Variants in PRR5 observed in about 807,000 individuals in gnomAD.
PRR5 encodes proline rich 5.
A neutral mutation model predicts 30.6 loss-of-function variants in PRR5; 25 were observed. The ratio of observed to expected loss-of-function variants is 0.82; its 90% CI spans 0.60 to 1.14. PRR5 has a LOEUF of 1.14. Among genes scored for constraint, PRR5 ranks in the 50% most tolerant of loss-of-function variants. The probability of loss-of-function intolerance (pLI) is 0.00; values close to 1 mark genes in which losing one functional copy is unlikely to be tolerated. For synonymous variants in PRR5, 286 were observed against 247.1 expected, an observed-to-expected ratio of 1.16 and a Z score of -1.48; for missense variants, 600 against 547.1, an observed-to-expected ratio of 1.10 and a Z score of -0.96.
intron 1 of PRR5, among the ~76,000 whole-genome samples, chr22:44,708,245 A>G (rs1927552990): frequency 6.6e-6 from 1 of 152,122 alleles, no homozygotes; most frequent in African/African-American, 2.4e-5. Context: ...ATGCCAGAGG[A>G]GGAAAGGCAC....
intron 1 of PRR5, among the ~76,000 whole-genome samples, chr22:44,695,165 T>G (rs576958486): frequency 1.7e-4 from 26 of 152,240 alleles, no homozygotes; most frequent in African/African-American, 6.3e-4. Context: ...AGCAAGACTC[T>G]GTCTCAAAAA....
In PRR5 at chr22:44,735,159, C is replaced by A. The variant is rs1306759440; in HGVS notation, c.688C>A (p.Leu230Met). ...SEGPFTHSCI[L>M]EKRLLRRSRS... ...GGGGCCCTTCACCCATTCCTGCATCCTGGGTAGGGGTCCGCCTGGGCCTTG... is the reference window on the plus strand; with the variant it reads ...GGGGCCCTTCACCCATTCCTGCATCATGGGTAGGGGTCCGCCTGGGCCTTG... The change falls in exon 7 of 8, where the codon CTG becomes ATG. Residue 230 changes from leucine (L) to methionine (M), a missense_variant. By Grantham distance (15) the Leu-to-Met change is conservative. Coordinates refer to ENST00000336985, the MANE Select transcript of PRR5 (RefSeq NM_181333.4). 1 of 1,612,458 alleles carries A rather than the reference C, an allele frequency of 6.2e-7. No individual in the cohort carries two copies. Among genetic ancestry groups the A allele is most frequent in the South Asian group, 1.1e-5 (1 of 90,960 alleles).
At chr22:44,709,085 G>T (rs1408123178) in intron 1 of PRR5, among the ~76,000 whole-genome samples, 3 of 152,138 alleles carry the variant, frequency 2.0e-5, no homozygotes, top group Non-Finnish European at 4.4e-5. Flanking sequence ...GCTCATGGGG[G>T]TCTCTGAAGG....
In PRR5 at chr22:44,736,986, C is replaced by T. The variant is rs1375193053; in HGVS notation, c.906C>T (p.Gly302=). The T allele has an allele frequency of 1.2e-6, 2 of 1,600,628 alleles. No homozygotes were observed. The highest frequency in any genetic ancestry group is 1.3e-5 in the African/African-American group (1 of 74,810). Residue 302 remains glycine, a synonymous_variant, in exon 8 of 8, where the codon GGC becomes GGT. Coordinates refer to ENST00000336985, the MANE Select transcript of PRR5 (RefSeq NM_181333.4). ...PQGFSDPPGQ[G]PTGTFRSSPA... is the part of the protein sequence containing the mutation. ...GCTTCTCCGACCCGCCCGGCCAGGG[C>T]CCCACCGGGACCTTCAGGTCCTCCC...
At chr22:44,725,768 G>A (rs939727086) in intron 3 of PRR5, among the ~76,000 whole-genome samples, 6 of 152,160 alleles carry the variant, frequency 3.9e-5, no homozygotes, top group African/African-American at 1.4e-4. Flanking sequence ...GGGTTCAAGC[G>A]ATTCCCCTGT....
intron 4 of PRR5, chr22:44,730,908 A>T (rs1362491733): frequency 2.2e-6 from 1 of 458,980 alleles, no homozygotes; most frequent in East Asian, 7.2e-5. Context: ...TGCCCTTATG[A>T]TCCTGCTCAG....
chr22:44,730,580 C>G, intron 4 of PRR5: 2 of 989,716 alleles, frequency 2.0e-6, no homozygotes, highest in Non-Finnish European at 2.4e-6. Flanking sequence ...GAGCTGGTCC[C>G]GATGTCTGCT....
At chr22:44,705,278 C>T (rs1459334417) in intron 1 of PRR5, among the ~76,000 whole-genome samples, 1 of 151,968 alleles carries the variant, frequency 6.6e-6, no homozygotes, top group African/African-American at 2.4e-5. Context: ...TGTACCTCCC[C>T]ATGGCTTTCA....
At chr22:44,730,310 C>T in intron 4 of PRR5, 1 of 985,380 alleles carries the variant, frequency 1.0e-6, no homozygotes, top group Non-Finnish European at 1.2e-6. Context: ...GAGGCGCCCA[C>T]ACCAAGATCT....
chr22:44,703,931 T>C (rs1009840204), intron 1 of PRR5, among the ~76,000 whole-genome samples: 1 of 152,178 alleles, frequency 6.6e-6, no homozygotes, highest in Non-Finnish European at 1.5e-5. Flanking sequence ...ATGAAAGCCA[T>C]CTCTCTGTCC....
chr22:44,695,949 G>A (rs529539448), intron 1 of PRR5, among the ~76,000 whole-genome samples: 1 of 12,352 alleles, frequency 8.1e-5, no homozygotes, highest in South Asian at 3.6e-3. Context: ...TTTTTTTTTT[G>A]ATACAGAGTC....
At chr22:44,684,391 C>A (rs1924560194) in intron 1 of PRR5, among the ~76,000 whole-genome samples, 1 of 152,156 alleles carries the variant, frequency 6.6e-6, no homozygotes, top group Admixed American at 6.6e-5. Flanking sequence ...AAAAAAAATA[C>A]AAAAATTAGC....
chr22:44,729,009 G>A (rs567694565), intron 4 of PRR5, among the ~76,000 whole-genome samples: 3 of 152,294 alleles, frequency 2.0e-5, no homozygotes, highest in South Asian at 2.1e-4. Context: ...TAAGGGAATC[G>A]GCTCCAGCTG....
At chr22:44,732,177 TC>T in intron 5 of PRR5, 73 bp from the exon 6 acceptor site, 1 of 1,576,566 alleles carries the variant, frequency 6.3e-7, no homozygotes, top group Non-Finnish European at 8.6e-7. Context: ...CCCTGTGGGG[TC>T]CCAGGACCGG....
intron 1 of PRR5, among the ~76,000 whole-genome samples, chr22:44,690,258 A>G (rs1342530225): frequency 6.6e-6 from 1 of 152,150 alleles, no homozygotes; most frequent in East Asian, 1.9e-4. Context: ...GGGCAGGTGA[A>G]TGTCCACTGG....
chr22:44,737,251 C>T lies in PRR5; in HGVS notation c.*4C>T, dbSNP rs1356169660. 1.3e-6 allele frequency: 2 copies of T among 1,592,216 alleles called. No individual in the cohort carries two copies. The highest frequency in any genetic ancestry group is 3.4e-5 in the Admixed American group (2 of 59,082). The stretch of plus-strand genomic sequence containing the variant: ...GGGCCGGCAGAGTGTCGTGTGAGGC[C>T]TCACAGCTGGCCTTGAGTTTTTACT... On this transcript the variant is annotated 3_prime_UTR_variant, in exon 8 of 8. Transcript: ENST00000336985.
Position 44,731,608 on chromosome 22 carries a change from G to T in PRR5, c.323-122G>T, listed in dbSNP as rs1921975246. Reference sequence around the variant, plus strand: ...GGAGCTGGACATCGACCTTGGGCAGGTGCTGCCAGGGGCCTGAGCCCAGGC... The same window carrying T: ...GGAGCTGGACATCGACCTTGGGCAGTTGCTGCCAGGGGCCTGAGCCCAGGC... On this transcript the variant is annotated intron_variant, in intron 4 of 7. Coordinates refer to ENST00000336985, the MANE Select transcript of PRR5 (RefSeq NM_181333.4). 8 of 918,624 alleles carry T rather than the reference G, an allele frequency of 8.7e-6. No homozygotes were observed. The Admixed American group carries it at 1.2e-4, about 13-fold the overall frequency. 56.9% of individuals were successfully genotyped at this position (918,624 alleles called of 1,614,324 possible).
intron 4 of PRR5, 69 bp from the exon 5 acceptor site, chr22:44,731,661 C>A: frequency 6.6e-7 from 1 of 1,506,154 alleles, no homozygotes; most frequent in Non-Finnish European, 9.2e-7. Flanking sequence ...TCTGATGACC[C>A]ATCCTGGGTG....
chr22:44,731,042 G>C, intron 4 of PRR5: 1 of 298,996 alleles, frequency 3.3e-6, no homozygotes, highest in African/African-American at 2.4e-5. Context: ...CAGATAGTGT[G>C]GGGGAAGGAG....
Sources: allele counts gnomAD v4.1 joint callset (sites outside exome capture counted in the v4.1 genomes callset), GRCh38; gene constraint gnomAD v4.1.1; transcripts MANE v1.5; gene names NCBI Gene and HGNC (gene_info 2026-07-23, HGNC 2026-07-21).